Variants in CD320 observed in about 807,000 individuals in gnomAD.
The protein encoded by CD320 is CD320 antigen.
CD320 carries 16 observed loss-of-function variants against 22.1 expected under a neutral mutation model. That is an observed-to-expected ratio of 0.73 (90% CI 0.49 to 1.10). CD320 has a LOEUF of 1.10. Among genes scored for constraint, CD320 ranks in the 50% least tolerant of loss-of-function variants. The pLI is 0.00. For synonymous variants in CD320, 188 were observed against 167.8 expected, an observed-to-expected ratio of 1.12 and a Z score of -0.93; for missense variants, 388 against 376.9, an observed-to-expected ratio of 1.03 and a Z score of -0.24.
chr19:8,306,050 A>G (rs1002219073), intron 1 of CD320: 5 of 152,214 alleles, frequency 3.3e-5, no homozygotes, highest in African/African-American at 9.7e-5. Context: ...CCCATCCTAA[A>G]TGTGTCAGCT....
At chr19:8,305,267 A>G in intron 1 of CD320, 111 bp from the exon 2 acceptor site, 15 of 1,351,690 alleles carry the variant, frequency 1.1e-5, no homozygotes, top group Non-Finnish European at 1.3e-5. Flanking sequence ...CCCGGGATAT[A>G]GGAACCACAC....
chr19:8,305,006 C>T (rs1415267397), intron 2 of CD320, 25 bp downstream of exon 2: 2 of 1,600,994 alleles, frequency 1.2e-6, no homozygotes, highest in Non-Finnish European at 1.7e-6. Context: ...CCCTGTAAGC[C>T]CCGCCAAGGG....
In CD320 at chr19:8,304,130, A is replaced by G. The variant is rs1479152622; in HGVS notation, c.269-42T>C. On this transcript the variant is annotated intron_variant, in intron 2 of 4. Transcript: ENST00000301458. ...GTCAGGTCCCAAATGCCCACCCAAGAAGGCCCAGGTACTCCCTGAAACCCC... is the reference window on the plus strand; with the variant it reads ...GTCAGGTCCCAAATGCCCACCCAAGGAGGCCCAGGTACTCCCTGAAACCCC... The G allele has an allele frequency of 1.9e-5, 20 of 1,048,084 alleles. No homozygotes were observed. In the East Asian group the frequency reaches 5.2e-4, roughly 27 times the overall value. 64.9% of individuals were successfully genotyped at this position (1,048,084 alleles called of 1,614,324 possible).
chr19:8,302,514 C>G lies in CD320; in HGVS notation c.798G>C (p.Val266=). 6.2e-7 allele frequency: 1 copy of G among 1,614,166 alleles called. No individual in the cohort carries two copies. Among genetic ancestry groups the G allele is most frequent in the Non-Finnish European group, 8.5e-7 (1 of 1,180,030 alleles). Residue 266 remains valine, a synonymous_variant, in exon 5 of 5, where the codon GTG becomes GTC. Transcript: ENST00000301458. ...QERLRPLGLL[V]AMKESLLLSE... ...ACAGCAGCAGGGACTCCTTCATGGCCACCAGTAACCCCAGTGGGCGGAGGC... is the reference window on the plus strand; with the variant it reads ...ACAGCAGCAGGGACTCCTTCATGGCGACCAGTAACCCCAGTGGGCGGAGGC...
rs548990321 is a variant in CD320 at position 8,302,384 on chromosome 19, G to C, written c.*79C>G. On this transcript the variant is annotated 3_prime_UTR_variant, in exon 5 of 5. Transcript: ENST00000301458. ...CAGGTCTCTGAGGGCTGGTGTGCCCGGGTACCCATCCGCATCACTGCTCTC... is the reference window on the plus strand; with the variant it reads ...CAGGTCTCTGAGGGCTGGTGTGCCCCGGTACCCATCCGCATCACTGCTCTC... 2.5e-5 allele frequency: 39 copies of C among 1,566,474 alleles called. No individual in the cohort carries two copies. Among genetic ancestry groups the C allele is most frequent in the Non-Finnish European group, 3.4e-5 (39 of 1,140,656 alleles).
In CD320 at chr19:8,304,001, C is replaced by A. The variant is rs1003366693; in HGVS notation, c.356G>T (p.Gly119Val). Residue 119 changes from glycine to valine, a missense_variant, in exon 3 of 5, where the codon GGA becomes GTA. By Grantham distance (109) the Gly-to-Val change is moderately radical. Coordinates refer to ENST00000301458, the MANE Select transcript of CD320 (RefSeq NM_016579.4). ...GCAGTTGCGCAGTTTCTTGTCAGTT[C>A]CCCCAGAGCAGTCACTGACGCCGGT... ...PCTGVSDCSGGTDKKLRNCSR... is the reference protein window; with the variant it reads ...PCTGVSDCSGVTDKKLRNCSR... The A allele has an allele frequency of 1.9e-6, 3 of 1,570,212 alleles. No individual in the cohort carries two copies. Among genetic ancestry groups the A allele is most frequent in the Non-Finnish European group, 2.6e-6 (3 of 1,157,554 alleles).
chr19:8,302,394 C>T lies in CD320; in HGVS notation c.*69G>A. 1.3e-6 allele frequency: 2 copies of T among 1,597,794 alleles called. No individual in the cohort carries two copies. The highest frequency in any genetic ancestry group is 8.6e-7 in the Non-Finnish European group (1 of 1,166,632). On this transcript the variant is annotated 3_prime_UTR_variant, in exon 5 of 5. Coordinates refer to ENST00000301458, the MANE Select transcript of CD320 (RefSeq NM_016579.4). ...AGGGCTGGTGTGCCCGGGTACCCAT[C>T]CGCATCACTGCTCTCCTCCTGTCCG...
chr19:8,307,847 G>C (rs1970116077), intron 1 of CD320, among the ~76,000 whole-genome samples: 1 of 152,172 alleles, frequency 6.6e-6, no homozygotes, highest in South Asian at 2.1e-4. Context: ...GACCACGCTG[G>C]TATGAAGGGC....
Position 8,302,345 on chromosome 19 carries a change from TG to T in CD320, c.*117del. 2 of 1,292,100 alleles carry T rather than the reference TG, an allele frequency of 1.5e-6. No homozygotes were observed. Among genetic ancestry groups the T allele is most frequent in the Non-Finnish European group, 2.2e-6 (2 of 895,966 alleles). The allele number at this position is 1,292,100 out of a possible 1,614,324, so 80.0% of individuals were successfully genotyped here. Reference sequence around the variant, plus strand: ...AGGAGCTCGGGTTCGAGGTTCCACGTGGCCAGAAGAGCTCAGGTCTCTGAGG... The same window carrying T: ...AGGAGCTCGGGTTCGAGGTTCCACGTGCCAGAAGAGCTCAGGTCTCTGAGG... On this transcript the variant is annotated 3_prime_UTR_variant, in exon 5 of 5. Transcript: ENST00000301458.
rs780100188 is a variant in CD320, at chr19:8,302,847, C to T, written c.636G>A (p.Gly212=). 3.1e-6 allele frequency: 5 copies of T among 1,614,104 alleles called. No individual in the cohort carries two copies. The highest frequency in any genetic ancestry group is 4.2e-6 in the Non-Finnish European group (5 of 1,179,984). The change falls in exon 4 of 5, where the codon GGG becomes GGA. Residue 212 remains glycine, a synonymous_variant. Transcript: ENST00000301458. ...CTCCGGCAGAGGAGGATGTGGCATTCCCGACAGAGGGGACACTCTCCAGGG... is the reference window on the plus strand; with the variant it reads ...CTCCGGCAGAGGAGGATGTGGCATTTCCGACAGAGGGGACACTCTCCAGGG... ...PVTLESVPSV[G]NATSSSAGDQ...
chr19:8,303,068 T>C (rs1440742050), intron 3 of CD320, 88 bp from the exon 4 acceptor site: 24 of 1,082,078 alleles, frequency 2.2e-5, no homozygotes, highest in Non-Finnish European at 3.2e-5. Context: ...TTGGGGTTTA[T>C]CCTCAACCAA....
chr19:8,306,070 AGCCCCAG>A (rs747541816), intron 1 of CD320, among the ~76,000 whole-genome samples: 7 of 152,112 alleles, frequency 4.6e-5, no homozygotes, highest in Non-Finnish European at 7.4e-5. Context: ...TCCTCACCAG[AGCCCCAG>A]GCCCCAGGCC....
chr19:8,304,007 G>A lies in CD320; in HGVS notation c.350C>T (p.Ser117Phe), dbSNP rs1258505304. 4.1e-5 allele frequency: 65 copies of A among 1,569,452 alleles called. No homozygotes were observed. The highest frequency in any genetic ancestry group is 5.4e-5 in the Non-Finnish European group (63 of 1,157,192). Residue 117 changes from serine (S) to phenylalanine (F), a missense_variant, in exon 3 of 5, where the codon TCT becomes TTT. Transcript: ENST00000301458. Reference protein sequence around the residue: ...PCPCTGVSDCSGGTDKKLRNC... With the variant: ...PCPCTGVSDCFGGTDKKLRNC... ...GCGCAGTTTCTTGTCAGTTCCCCCA[G>A]AGCAGTCACTGACGCCGGTGCAGGG...
rs759019712 is a variant in CD320 at position 8,302,343 on chromosome 19, C to T, written c.*120G>A. On this transcript the variant is annotated 3_prime_UTR_variant, in exon 5 of 5. Transcript: ENST00000301458. ...GCAGGAGCTCGGGTTCGAGGTTCCA[C>T]GTGGCCAGAAGAGCTCAGGTCTCTG... 2 of 1,272,194 alleles carry T rather than the reference C, an allele frequency of 1.6e-6. No homozygotes were observed. The highest frequency in any genetic ancestry group is 2.3e-6 in the Non-Finnish European group (2 of 878,236). 78.8% of individuals were successfully genotyped at this position (1,272,194 alleles called of 1,614,324 possible).
chr19:8,302,268 G>A lies in CD320; in HGVS notation c.*195C>T, dbSNP rs138270968. 6.6e-4 allele frequency: 489 copies of A among 743,794 alleles called. 3 individuals are homozygous for A. In the East Asian group the frequency reaches 0.011, roughly 17 times the overall value. The allele number at this position is 743,794 out of a possible 1,614,324, so 46.1% of individuals were successfully genotyped here. A position where few individuals can be genotyped will look rare whatever the true frequency, so the allele number is the denominator to read the frequency against. On this transcript the variant is annotated 3_prime_UTR_variant, in exon 5 of 5. Coordinates refer to ENST00000301458, the MANE Select transcript of CD320 (RefSeq NM_016579.4). ...GGCAGGTTCCCCATCCTAGCTCCCC[G>A]GATCTCCATAGGGAGTGTCCAGGGA...
Position 8,302,344 on chromosome 19 carries a change from G to A in CD320, c.*119C>T, listed in dbSNP as rs771601412. On this transcript the variant is annotated 3_prime_UTR_variant, in exon 5 of 5. Coordinates refer to ENST00000301458, the MANE Select transcript of CD320 (RefSeq NM_016579.4). ...CAGGAGCTCGGGTTCGAGGTTCCAC[G>A]TGGCCAGAAGAGCTCAGGTCTCTGA... 16 of 1,280,842 alleles carry A rather than the reference G, an allele frequency of 1.2e-5. No individual in the cohort carries two copies. Among genetic ancestry groups the A allele is most frequent in the Admixed American group, 1.7e-5 (1 of 59,494 alleles). The allele number at this position is 1,280,842 out of a possible 1,614,324, so 79.3% of individuals were successfully genotyped here.
chr19:8,304,927 G>T, intron 2 of CD320, 104 bp downstream of exon 2: 1 of 1,383,966 alleles, frequency 7.2e-7, no homozygotes, highest in Non-Finnish European at 1.0e-6. Flanking sequence ...CCATCCCTGC[G>T]GCCCTGCCTT....
At chr19:8,302,682 G>A in intron 4 of CD320, 77 bp from the exon 5 acceptor site, 1 of 1,603,860 alleles carries the variant, frequency 6.2e-7, no homozygotes. Context: ...CCATACACAT[G>A]GGGATGGGAG....
intron 1 of CD320, among the ~76,000 whole-genome samples, chr19:8,307,325 C>A (rs942259447): frequency 3.7e-5 from 5 of 136,426 alleles, no homozygotes; most frequent in African/African-American, 1.5e-4. Flanking sequence ...TTAACGTGAA[C>A]GCTGCCTCCT....
Sources: allele counts gnomAD v4.1 joint callset (sites outside exome capture counted in the v4.1 genomes callset), GRCh38; gene constraint gnomAD v4.1.1; transcripts MANE v1.5; gene names NCBI Gene and HGNC (gene_info 2026-07-23, HGNC 2026-07-21).